Variants in RHBDL3 observed in about 807,000 individuals in gnomAD.
The protein encoded by RHBDL3 is rhomboid like 3.
A neutral mutation model predicts 48.2 loss-of-function variants in RHBDL3; 28 were observed. The ratio of observed to expected loss-of-function variants is 0.58; its 90% CI spans 0.43 to 0.80. RHBDL3 has a LOEUF of 0.80. Among genes scored for constraint, RHBDL3 ranks in the 30% least tolerant of loss-of-function variants. RHBDL3 has a pLI of 0.00. For synonymous variants in RHBDL3, 208 were observed against 232.3 expected (o/e 0.90, Z 0.95); for missense variants, 464 against 542.7 (o/e 0.85, Z 1.44).
intron 2 of RHBDL3, among the ~76,000 whole-genome samples, chr17:32,273,284 G>C (rs1394614535): frequency 6.6e-6 from 1 of 152,176 alleles, no homozygotes; most frequent in Non-Finnish European, 1.5e-5. Flanking sequence ...TTACAGGCGC[G>C]AGCCACCGCG....
At chr17:32,272,456 A>G (rs768851664) in intron 2 of RHBDL3, among the ~76,000 whole-genome samples, 11 of 152,230 alleles carry the variant, frequency 7.2e-5, no homozygotes, top group Non-Finnish European at 1.2e-4. Context: ...CTCCTGCCCC[A>G]GAGACAGGGT....
chr17:32,318,089 T>G (rs1445601268), intron 8 of RHBDL3, among the ~76,000 whole-genome samples: 1 of 151,610 alleles, frequency 6.6e-6, no homozygotes, highest in African/African-American at 2.4e-5. Context: ...CATGGTGGCT[T>G]GCGCCTGTAG....
chr17:32,292,191 A>T (rs1415864644), intron 4 of RHBDL3, among the ~76,000 whole-genome samples: 1 of 152,234 alleles, frequency 6.6e-6, no homozygotes, highest in Non-Finnish European at 1.5e-5. Context: ...TTTAGAGATT[A>T]AACAAGTATG....
intron 2 of RHBDL3, among the ~76,000 whole-genome samples, chr17:32,271,320 T>C (rs184063631): frequency 2.2e-3 from 334 of 152,322 alleles, no homozygotes; most frequent in African/African-American, 7.8e-3. Context: ...ATTTGGTAAA[T>C]TTTTGTGTGT....
At chr17:32,311,096 C>G (rs970970595) in intron 7 of RHBDL3, among the ~76,000 whole-genome samples, 2 of 152,198 alleles carry the variant, frequency 1.3e-5, no homozygotes, top group Non-Finnish European at 2.9e-5. Context: ...CCTCTGCACT[C>G]TTAACCCGTT....
intron 2 of RHBDL3, among the ~76,000 whole-genome samples, chr17:32,274,156 A>C (rs1025548204): frequency 2.0e-5 from 3 of 152,192 alleles, no homozygotes; most frequent in Admixed American, 6.5e-5. Context: ...TCCAGAGAGA[A>C]AGGAGAGAAG....
intron 2 of RHBDL3, among the ~76,000 whole-genome samples, chr17:32,268,970 ATGGAAGAAT>A (rs2039702646): frequency 6.6e-6 from 1 of 152,128 alleles, no homozygotes; most frequent in South Asian, 2.1e-4. Flanking sequence ...GGACATGGTG[ATGGAAGAAT>A]TGGAAGATCT....
chr17:32,283,694 AC>A (rs2040125490), intron 2 of RHBDL3, among the ~76,000 whole-genome samples: 1 of 152,134 alleles, frequency 6.6e-6, no homozygotes, highest in Non-Finnish European at 1.5e-5. Flanking sequence ...TCATCTGAAC[AC>A]CCACTAGTTA....
intron 5 of RHBDL3, 127 bp from the exon 6 acceptor site, chr17:32,297,965 C>T (rs2040491703): frequency 7.3e-6 from 5 of 683,356 alleles, no homozygotes; most frequent in Admixed American, 6.7e-5. Context: ...ATGAGCTCCT[C>T]GCAGGCAGAG....
intron 5 of RHBDL3, among the ~76,000 whole-genome samples, chr17:32,297,148 G>C (rs1265520205): frequency 6.6e-6 from 1 of 151,986 alleles, no homozygotes; most frequent in African/African-American, 2.4e-5. Flanking sequence ...ACCACGCCTG[G>C]CTAACATCCA....
At chr17:32,306,221 A>G (rs1467891135) in intron 7 of RHBDL3, among the ~76,000 whole-genome samples, 5 of 151,698 alleles carry the variant, frequency 3.3e-5, no homozygotes, top group Non-Finnish European at 7.4e-5. Flanking sequence ...CAAGAGATCG[A>G]GACCATCCTG....
intron 4 of RHBDL3, among the ~76,000 whole-genome samples, chr17:32,291,808 GT>G (rs1421649704): frequency 1.5e-4 from 18 of 122,772 alleles, no homozygotes; most frequent in Non-Finnish European, 1.6e-4. Flanking sequence ...GTCTCCCTCT[GT>G]CACCCAGGCT....
intron 7 of RHBDL3, among the ~76,000 whole-genome samples, chr17:32,309,265 G>A (rs930368370): frequency 1.3e-5 from 2 of 151,140 alleles, no homozygotes; most frequent in African/African-American, 4.9e-5. Context: ...AAAAAGCATG[G>A]ACTTGGGCTG....
chr17:32,314,046 A>C (rs112862186), intron 7 of RHBDL3, among the ~76,000 whole-genome samples: 1 of 152,140 alleles, frequency 6.6e-6, no homozygotes, highest in African/African-American at 2.4e-5. Context: ...GGCGTGAGCC[A>C]CCGCCTTTTA....
intron 6 of RHBDL3, among the ~76,000 whole-genome samples, chr17:32,302,207 G>T (rs2040598060): frequency 6.6e-6 from 1 of 152,210 alleles, no homozygotes; most frequent in South Asian, 2.1e-4. Context: ...GAGCTCTGGA[G>T]GGGATTCCTC....
At chr17:32,269,338 A>G (rs2039713233) in intron 2 of RHBDL3, among the ~76,000 whole-genome samples, 1 of 152,188 alleles carries the variant, frequency 6.6e-6, no homozygotes, top group Non-Finnish European at 1.5e-5. Flanking sequence ...ACAGAGTGGG[A>G]CCCTGTCTCA....
At chr17:32,316,770 G>A (rs997696921) in intron 8 of RHBDL3, among the ~76,000 whole-genome samples, 12 of 151,970 alleles carry the variant, frequency 7.9e-5, no homozygotes, top group Admixed American at 5.9e-4. Context: ...CTCCTGCCTT[G>A]GCCTCTCAAG....
At chr17:32,282,457 C>T (rs760985164) in intron 2 of RHBDL3, among the ~76,000 whole-genome samples, 39 of 152,222 alleles carry the variant, frequency 2.6e-4, no homozygotes, top group African/African-American at 8.7e-4. Context: ...GTCCCAGCTA[C>T]TTGAGAGGCT....
intron 8 of RHBDL3, among the ~76,000 whole-genome samples, chr17:32,320,033 G>A (rs1672592615): frequency 1.3e-5 from 2 of 152,060 alleles, no homozygotes; most frequent in Admixed American, 1.3e-4. Flanking sequence ...AGCACTGTGG[G>A]AGGCTGAGGC....
Sources: allele counts gnomAD v4.1 joint callset (sites outside exome capture counted in the v4.1 genomes callset), GRCh38; gene constraint gnomAD v4.1.1; transcripts MANE v1.5; gene names NCBI Gene and HGNC (gene_info 2026-07-23, HGNC 2026-07-21).